BDNF: variants seen among roughly 807,000 people sequenced by gnomAD.
BDNF encodes the protein brain derived neurotrophic factor.
In BDNF, 1 loss-of-function variant was observed where a neutral mutation model predicts 19.5. The ratio of observed to expected loss-of-function variants is 0.05; its 90% CI spans 0.02 to 0.24. BDNF has a LOEUF of 0.24. BDNF is among the 10% of genes least tolerant of loss of function. BDNF has a pLI of 1.00. For missense variants in BDNF, 195 were observed against 317.6 expected (o/e 0.61, Z 2.93); for synonymous variants, 100 against 121.6 (o/e 0.82, Z 1.17).
chr11:27,705,090 C>A (rs978111300), upstream of BDNF, among the ~76,000 whole-genome samples: 3 of 152,138 alleles, frequency 2.0e-5, no homozygotes, highest in Non-Finnish European at 4.4e-5. Context: ...TGAGACTAAA[C>A]CCCCAAACAT....
At chr11:27,672,152 A>G (rs1855479891) in intron 1 of BDNF, among the ~76,000 whole-genome samples, 1 of 152,138 alleles carries the variant, frequency 6.6e-6, no homozygotes, top group South Asian at 2.1e-4. Context: ...CTTTTCCACT[A>G]TTGTTATTAT....
At chr11:27,710,078 A>G (rs1860264864) in intron 1 of BDNF, among the ~76,000 whole-genome samples, 1 of 152,160 alleles carries the variant, frequency 6.6e-6, no homozygotes, top group Non-Finnish European at 1.5e-5. Flanking sequence ...GTCCTTCAAG[A>G]TTATCCTTTT....
chr11:27,718,358 C>T (rs1222136506), intron 1 of BDNF, among the ~76,000 whole-genome samples: 4 of 144,208 alleles, frequency 2.8e-5, no homozygotes, highest in Non-Finnish European at 6.1e-5. Flanking sequence ...CACACCACCC[C>T]CCCCCGCCCC....
chr11:27,698,225 C>CTAAAAAAAA, intron 1 of BDNF: 3 of 6,298 alleles, frequency 4.8e-4, no homozygotes, highest in Non-Finnish European at 1.0e-3. Flanking sequence ...GGTAAATTTC[C>CTAAAAAAAA]CAAAAAAAAA....
intron 1 of BDNF, chr11:27,659,642 TGTGTGTGCGCGCGCGC>T (rs777425529): frequency 4.9e-4 from 487 of 997,858 alleles, no homozygotes; most frequent in Non-Finnish European, 5.5e-4. Flanking sequence ...TGTGTGTGTG[TGTGTGTGCGCGCGCGC>T]GTGTGCGCGC....
intron 1 of BDNF, among the ~76,000 whole-genome samples, chr11:27,663,080 ACTT>A (rs1188977364): frequency 6.6e-6 from 1 of 152,230 alleles, no homozygotes; most frequent in East Asian, 1.9e-4. Context: ...CAGCCTTTTA[ACTT>A]CTTGTTTCTT....
At chr11:27,682,217 A>G (rs964538350) in intron 1 of BDNF, among the ~76,000 whole-genome samples, 1 of 151,980 alleles carries the variant, frequency 6.6e-6, no homozygotes, top group South Asian at 2.1e-4. Context: ...CATACATCCA[A>G]ACCATCTGTA....
At chr11:27,707,183 T>C (rs1860143253) in intron 1 of BDNF, among the ~76,000 whole-genome samples, 1 of 152,194 alleles carries the variant, frequency 6.6e-6, no homozygotes, top group Non-Finnish European at 1.5e-5. Context: ...CAAAATCCAG[T>C]TAGAATAAAG....
intron 1 of BDNF, among the ~76,000 whole-genome samples, chr11:27,683,753 C>G (rs1303749990): frequency 6.6e-6 from 1 of 152,084 alleles, no homozygotes; most frequent in Non-Finnish European, 1.5e-5. Flanking sequence ...CTGTTCTGTT[C>G]CATTGGTCTA....
intron 1 of BDNF, among the ~76,000 whole-genome samples, chr11:27,678,097 C>T (rs1856414893): frequency 6.6e-6 from 1 of 152,220 alleles, no homozygotes; most frequent in Non-Finnish European, 1.5e-5. Context: ...ACGGCTGATA[C>T]ATGACCATTT....
chr11:27,658,579 G>C lies in BDNF; in HGVS notation c.-15C>G. On this transcript the variant is annotated 5_prime_UTR_variant, in exon 2 of 2. Transcript: ENST00000356660. The surrounding 1 kb of genome is among the most constrained non-coding windows in gnomAD (Gnocchi z 5.7). Reference sequence around the variant, plus strand: ...AGGATGGTCATCACTCTTCTCACCTGGTGGAACTGTAGGGAGAAAGCAGAA... The same window carrying C: ...AGGATGGTCATCACTCTTCTCACCTCGTGGAACTGTAGGGAGAAAGCAGAA... 6.2e-7 allele frequency: 1 copy of C among 1,614,198 alleles called. No individual in the cohort carries two copies.
Position 27,700,445 on chromosome 11 carries a change from C to A in BDNF, c.-303G>T. 21 of 984,396 alleles carry A rather than the reference C, an allele frequency of 2.1e-5. No individual in the cohort carries two copies. Among genetic ancestry groups the A allele is most frequent in the East Asian group, 1.2e-4 (1 of 8,682 alleles). The allele number at this position is 984,396 out of a possible 1,614,324, so 61.0% of individuals were successfully genotyped here. A position where few individuals can be genotyped will look rare whatever the true frequency, so the allele number is the denominator to read the frequency against. On this transcript the variant is annotated 5_prime_UTR_variant, in exon 1 of 2. Transcript: ENST00000356660. ...CGGCGGCAGCGTCGGGGACCCGGAG[C>A]TCCAGGCTGCGCCTTGCGCCCGGGT...
At chr11:27,691,937 A>C (rs1026064682) in intron 1 of BDNF, among the ~76,000 whole-genome samples, 1 of 152,348 alleles carries the variant, frequency 6.6e-6, no homozygotes, top group South Asian at 2.1e-4. Flanking sequence ...ACCCTAAAAA[A>C]ATATAACCTC....
chr11:27,659,988 A>T (rs1853201831), intron 1 of BDNF, among the ~76,000 whole-genome samples: 1 of 152,220 alleles, frequency 6.6e-6, no homozygotes, highest in Non-Finnish European at 1.5e-5. Flanking sequence ...TCAGCAGCAA[A>T]GAGTAGCATC....
upstream of BDNF, chr11:27,701,699 G>A: frequency 1.3e-6 from 1 of 793,426 alleles, no homozygotes; most frequent in African/African-American, 1.9e-5. Flanking sequence ...CCGCTGCCTC[G>A]AAATAGACAC....
chr11:27,716,582 A>T (rs2134112566), intron 1 of BDNF, among the ~76,000 whole-genome samples: 1 of 152,306 alleles, frequency 6.6e-6, no homozygotes, highest in Non-Finnish European at 1.5e-5. Flanking sequence ...GCAACTCATT[A>T]AATTATCCAT....
At chr11:27,688,752 C>T (rs1002107107) in intron 1 of BDNF, among the ~76,000 whole-genome samples, 3 of 152,168 alleles carry the variant, frequency 2.0e-5, no homozygotes, top group African/African-American at 7.2e-5. Flanking sequence ...ACTGTCTAAC[C>T]AGTCCCAATG....
intron 1 of BDNF, chr11:27,674,979 T>C: frequency 9.4e-6 from 8 of 852,684 alleles, no homozygotes; most frequent in Non-Finnish European, 1.1e-5. Context: ...TATCCACCAT[T>C]TATAGCTGAG....
chr11:27,719,515 G>C, intron 1 of BDNF: 1 of 985,542 alleles, frequency 1.0e-6, no homozygotes, highest in African/African-American at 1.7e-5. Flanking sequence ...TCGGACCTGG[G>C]CTCAGTGAGG....
Sources: gnomAD v4.1 joint callset for allele counts (sites outside exome capture counted in the v4.1 genomes callset) on GRCh38, gnomAD v4.1.1 for gene constraint, Gnocchi (gnomAD v3.1) non-coding constraint, MANE v1.5 for transcripts, NCBI Gene and HGNC (gene_info 2026-07-23, HGNC 2026-07-21) for gene names.